Variants in PCDHA1 observed in about 807,000 individuals in gnomAD.
PCDHA1 encodes protocadherin alpha-1.
A neutral mutation model predicts 61.3 loss-of-function variants in PCDHA1; 42 were observed. The ratio of observed to expected loss-of-function variants is 0.69; its 90% CI spans 0.54 to 0.89. The LOEUF (loss-of-function observed/expected upper bound fraction) is 0.89, where lower values mean the gene tolerates loss of function less well. Ranked by LOEUF, PCDHA1 falls within the 40% of genes least tolerant of loss-of-function variation. The pLI is 0.00. For missense variants in PCDHA1, 1,256 were observed against 1,235.3 expected, an observed-to-expected ratio of 1.02 and a Z score of -0.25; for synonymous variants, 610 against 553.8, an observed-to-expected ratio of 1.10 and a Z score of -1.43.
chr5:140,856,036 A>G (rs1554148102), intron 1 of PCDHA1: 5 of 1,567,408 alleles, frequency 3.2e-6, no homozygotes, highest in Non-Finnish European at 4.3e-6. Flanking sequence ...TTGTAAAACA[A>G]GAGAAGGATA....
intron 1 of PCDHA1, chr5:140,966,920 C>A: frequency 6.2e-7 from 1 of 1,602,672 alleles, no homozygotes; most frequent in South Asian, 1.1e-5. Flanking sequence ...GCCAGAGGAG[C>A]AGGCACCCGG....
chr5:140,914,944 CTT>C (rs35695909), intron 1 of PCDHA1, among the ~76,000 whole-genome samples: 2,964 of 128,208 alleles, frequency 0.023, 99 homozygotes, highest in African/African-American at 0.077. Flanking sequence ...GAAAAGTTGT[CTT>C]TTTTTTTTTT....
intron 1 of PCDHA1, among the ~76,000 whole-genome samples, chr5:140,897,367 T>C (rs1554187348): frequency 8.0e-6 from 1 of 125,642 alleles, no homozygotes; most frequent in East Asian, 2.4e-4. Flanking sequence ...CAGAGTGTGA[T>C]GTTCCCTTCC....
intron 1 of PCDHA1, chr5:140,801,733 C>A: frequency 1.2e-6 from 2 of 1,614,004 alleles, no homozygotes; most frequent in Non-Finnish European, 1.7e-6. Flanking sequence ...GAATATTTTA[C>A]CTTGGACGTT....
At chr5:140,857,588 G>A (rs2044704730) in intron 1 of PCDHA1, 2 of 1,596,484 alleles carry the variant, frequency 1.3e-6, no homozygotes, top group African/African-American at 1.3e-5. Flanking sequence ...CGCGGAGAGC[G>A]GCAAGGTGTA....
chr5:140,979,870 A>G (rs376036380), intron 2 of PCDHA1, among the ~76,000 whole-genome samples: 2 of 152,388 alleles, frequency 1.3e-5, no homozygotes, highest in South Asian at 2.1e-4. Context: ...TATCTGGGCA[A>G]CTATCAAGTG....
At chr5:140,934,013 A>G (rs2089566693) in intron 1 of PCDHA1, among the ~76,000 whole-genome samples, 1 of 151,836 alleles carries the variant, frequency 6.6e-6, no homozygotes. Context: ...TTTCTTGACT[A>G]GACTTGGAAG....
intron 1 of PCDHA1, among the ~76,000 whole-genome samples, chr5:140,872,029 A>C (rs782304127): frequency 7.9e-5 from 12 of 152,224 alleles, no homozygotes; most frequent in Admixed American, 2.6e-4. Context: ...GGAACTGCTA[A>C]GCTCAAAGAA....
intron 2 of PCDHA1, among the ~76,000 whole-genome samples, 188 bp downstream of exon 2, chr5:140,979,195 T>C (rs1554240340): frequency 1.3e-5 from 2 of 152,232 alleles, no homozygotes; most frequent in African/African-American, 4.8e-5. Context: ...GCCAGATGCT[T>C]ATCAAGTGCT....
rs782005533 is a variant in PCDHA1 at position 140,787,013 on chromosome 5, G to A, written c.723G>A (p.Leu241=). ...TVLDVNDNAP[L]FDQAVYRVHL... is the part of the protein sequence containing the mutation. ...TCGACGTTAATGATAACGCCCCACT[G>A]TTTGACCAGGCCGTATACAGAGTCC... The change falls in exon 1 of 4, where the codon CTG becomes CTA. Residue 241 remains leucine (L), a synonymous_variant. Transcript: ENST00000504120. 1 of 1,614,174 alleles carries A rather than the reference G, an allele frequency of 6.2e-7. No individual in the cohort carries two copies. The highest frequency in any genetic ancestry group is 1.1e-5 in the South Asian group (1 of 91,084).
intron 1 of PCDHA1, among the ~76,000 whole-genome samples, chr5:140,919,580 A>G (rs1454243319): frequency 1.3e-5 from 2 of 152,194 alleles, no homozygotes; most frequent in African/African-American, 4.8e-5. Context: ...TTAGAATGTA[A>G]CATGGTAATT....
intron 1 of PCDHA1, chr5:140,847,368 A>G (rs1038901012): frequency 6.7e-6 from 1 of 149,822 alleles, no homozygotes; most frequent in African/African-American, 2.4e-5. Flanking sequence ...AATACGAAAT[A>G]AAAGATAAAT....
intron 1 of PCDHA1, chr5:140,869,103 G>T: frequency 6.2e-7 from 1 of 1,600,312 alleles, no homozygotes; most frequent in Non-Finnish European, 8.5e-7. Context: ...TTTCGTATGC[G>T]ATGTTTGGTT....
chr5:140,834,369 A>T (rs2150215931), intron 1 of PCDHA1: 162 of 1,556,736 alleles, frequency 1.0e-4, no homozygotes, highest in Non-Finnish European at 1.3e-4. Flanking sequence ...TAGAAAAACA[A>T]GCCAATAATT....
intron 1 of PCDHA1, among the ~76,000 whole-genome samples, chr5:140,879,750 A>G (rs1554170976): frequency 1.3e-5 from 2 of 152,216 alleles, no homozygotes; most frequent in Non-Finnish European, 2.9e-5. Context: ...TGTCAAGGCT[A>G]TACTCTCTTT....
At chr5:140,945,673 A>G (rs192775886) in intron 1 of PCDHA1, among the ~76,000 whole-genome samples, 137 of 152,272 alleles carry the variant, frequency 9.0e-4, no homozygotes, top group Middle Eastern at 3.4e-3. Context: ...CCAGAAATAA[A>G]TCCACACAGT....
intron 1 of PCDHA1, among the ~76,000 whole-genome samples, chr5:140,925,576 A>G (rs1157907719): frequency 2.0e-5 from 3 of 151,872 alleles, no homozygotes; most frequent in African/African-American, 7.3e-5. Flanking sequence ...CAGCACACCA[A>G]CATGGCGCAT....
rs1554136166 is a variant in PCDHA1 at position 140,836,634 on chromosome 5, T to A, written c.2394+47950T>A. On this transcript the variant is annotated intron_variant, in intron 1 of 3. Transcript: ENST00000504120. ...CAGCGCGGTGGGGAGCTGGTCATTC[T>A]CCCAGCAGAGGCGGCAGAGGGTGTG... 6 of 1,613,416 alleles carry A rather than the reference T, an allele frequency of 3.7e-6. No homozygotes were observed. The East Asian group carries it at 1.3e-4, about 36-fold the overall frequency.
intron 1 of PCDHA1, chr5:140,848,628 G>A (rs1324481449): frequency 6.3e-7 from 1 of 1,593,422 alleles, no homozygotes; most frequent in Non-Finnish European, 8.6e-7. Flanking sequence ...CGGCACCTTC[G>A]TGGGCCGCAT....
Sources: allele counts gnomAD v4.1 joint callset (sites outside exome capture counted in the v4.1 genomes callset), GRCh38; gene constraint gnomAD v4.1.1; transcripts MANE v1.5; gene names NCBI Gene and HGNC (gene_info 2026-07-23, HGNC 2026-07-21).